KCNB2: variants seen among roughly 807,000 people sequenced by gnomAD.
The protein encoded by KCNB2 is potassium voltage-gated channel subfamily B member 2.
KCNB2 carries 15 observed loss-of-function variants against 61.5 expected under a neutral mutation model. The ratio of observed to expected loss-of-function variants is 0.24; its 90% CI spans 0.16 to 0.38. KCNB2 has a LOEUF of 0.38. Ranked by LOEUF, KCNB2 falls within the 10% of genes least tolerant of loss-of-function variation. The pLI is 1.00. For missense variants in KCNB2, 828 were observed against 1,125.2 expected, an observed-to-expected ratio of 0.74 and a Z score of 3.78; for synonymous variants, 457 against 446.0, an observed-to-expected ratio of 1.02 and a Z score of -0.31.
At chr8:72,546,428 A>G (rs775137706) in intron 1 of KCNB2, among the ~76,000 whole-genome samples, 8 of 151,918 alleles carry the variant, frequency 5.3e-5, no homozygotes, top group Non-Finnish European at 8.8e-5. Flanking sequence ...TGAGGCAGAG[A>G]ATTGCTTGAA....
intron 2 of KCNB2, among the ~76,000 whole-genome samples, chr8:72,709,620 C>G (rs1012385278): frequency 1.3e-5 from 2 of 151,980 alleles, no homozygotes; most frequent in Non-Finnish European, 2.9e-5. Flanking sequence ...CTTCAACTAA[C>G]TGAGTGAGAA....
chr8:72,744,697 C>T lies in KCNB2; in HGVS notation c.579+176384C>T, dbSNP rs1808027919. ...CTAAACTGTCCATGCTGAGAAGGAA[C>T]TGCCACGTGAATTGCTTAGGGCCGA... On this transcript the variant is annotated intron_variant, in intron 2 of 2. Transcript: ENST00000523207. 2.6e-5 allele frequency among the ~76,000 whole-genome samples: 4 copies of T among 152,110 alleles called. No homozygotes were observed. The South Asian group carries it at 8.3e-4, about 32-fold the overall frequency.
chr8:72,778,209 G>T (rs1808689084), intron 2 of KCNB2, among the ~76,000 whole-genome samples: 1 of 152,130 alleles, frequency 6.6e-6, no homozygotes, highest in Non-Finnish European at 1.5e-5. Context: ...CTGCAGCTTA[G>T]ATTTCTAATT....
At chr8:72,726,035 G>A (rs1807644411) in intron 2 of KCNB2, among the ~76,000 whole-genome samples, 2 of 152,130 alleles carry the variant, frequency 1.3e-5, no homozygotes, top group Admixed American at 1.3e-4. Flanking sequence ...CATCTACTGT[G>A]GAGTGAACTG....
chr8:72,898,181 C>A (rs1806022745), intron 2 of KCNB2, among the ~76,000 whole-genome samples: 1 of 151,906 alleles, frequency 6.6e-6, no homozygotes, highest in Non-Finnish European at 1.5e-5. Context: ...GAGGAGAATT[C>A]CTTTGGAAAC....
intron 2 of KCNB2, among the ~76,000 whole-genome samples, chr8:72,642,208 A>C (rs991703778): frequency 1.3e-5 from 2 of 152,184 alleles, no homozygotes; most frequent in African/African-American, 4.8e-5. Context: ...TTAGAAACTT[A>C]ATGTAAAAGG....
intron 2 of KCNB2, among the ~76,000 whole-genome samples, chr8:72,871,994 C>A (rs1436399382): frequency 2.6e-5 from 4 of 152,284 alleles, no homozygotes; most frequent in African/African-American, 9.6e-5. Context: ...ATGACCAAAT[C>A]TAGGAGTTTC....
At chr8:72,881,167 C>A (rs1805700940) in intron 2 of KCNB2, among the ~76,000 whole-genome samples, 1 of 7,140 alleles carries the variant, frequency 1.4e-4, no homozygotes. Flanking sequence ...CCCCCAGCCT[C>A]GTTGCCGCCT....
rs563213962 is a variant in KCNB2, at chr8:72,617,175, G to A, written c.579+48862G>A. ...CTCTTTCCTCCACTTTTCTTAGCTA[G>A]GAGGTATCCTTATGTCACCTTCTGC... On this transcript the variant is annotated intron_variant, in intron 2 of 2. Coordinates refer to ENST00000523207, the MANE Select transcript of KCNB2 (RefSeq NM_004770.3). 5.3e-5 allele frequency among the ~76,000 whole-genome samples: 8 copies of A among 152,266 alleles called. No homozygotes were observed. In the East Asian group the frequency reaches 1.5e-3, roughly 29 times the overall value.
At chr8:72,800,656 A>G (rs1016464628) in intron 2 of KCNB2, among the ~76,000 whole-genome samples, 1 of 151,894 alleles carries the variant, frequency 6.6e-6, no homozygotes, top group African/African-American at 2.4e-5. Context: ...TCAATAAATA[A>G]CTTTTGCCAA....
At chr8:72,845,203 A>T (rs12547090) in intron 2 of KCNB2, among the ~76,000 whole-genome samples, 2 of 152,110 alleles carry the variant, frequency 1.3e-5, no homozygotes, top group South Asian at 2.1e-4. Context: ...CCTCTGCTGC[A>T]GGTCTGCTGT....
intron 2 of KCNB2, among the ~76,000 whole-genome samples, chr8:72,574,561 TC>T (rs774305667): frequency 4.6e-5 from 7 of 152,228 alleles, no homozygotes; most frequent in Non-Finnish European, 8.8e-5. Context: ...CTTGGTTGCA[TC>T]TGAAGAGGGC....
At chr8:72,808,822 C>T (rs1809263278) in intron 2 of KCNB2, among the ~76,000 whole-genome samples, 1 of 152,154 alleles carries the variant, frequency 6.6e-6, no homozygotes, top group African/African-American at 2.4e-5. Flanking sequence ...CCTAAATCTG[C>T]ATCAAATCTT....
At chr8:72,673,012 A>T (rs1321226452) in intron 2 of KCNB2, among the ~76,000 whole-genome samples, 2 of 152,252 alleles carry the variant, frequency 1.3e-5, no homozygotes, top group African/African-American at 4.8e-5. Context: ...TAAACATAAC[A>T]TTACCATATG....
chr8:72,843,913 A>G (rs1309131939), intron 2 of KCNB2, among the ~76,000 whole-genome samples: 1 of 152,196 alleles, frequency 6.6e-6, no homozygotes, highest in Non-Finnish European at 1.5e-5. Flanking sequence ...GTGTCTTTTA[A>G]CTGGGGCATT....
At chr8:72,658,092 C>T (rs905945309) in intron 2 of KCNB2, among the ~76,000 whole-genome samples, 2 of 152,058 alleles carry the variant, frequency 1.3e-5, no homozygotes, top group East Asian at 1.9e-4. Context: ...CACTTTAAAT[C>T]AATCACAAAC....
At chr8:72,856,935 A>G (rs138590843) in intron 2 of KCNB2, among the ~76,000 whole-genome samples, 4 of 152,246 alleles carry the variant, frequency 2.6e-5, no homozygotes, top group African/African-American at 9.6e-5. Flanking sequence ...TTCCCCCACC[A>G]CAGAAACATA....
At chr8:72,868,450 C>T (rs998356057) in intron 2 of KCNB2, among the ~76,000 whole-genome samples, 1 of 151,756 alleles carries the variant, frequency 6.6e-6, no homozygotes, top group Non-Finnish European at 1.5e-5. Flanking sequence ...TGGTGGCACA[C>T]ACCTGTAGTC....
At chr8:72,809,729 T>TCAGTATAC (rs1809277095) in intron 2 of KCNB2, among the ~76,000 whole-genome samples, 1 of 152,188 alleles carries the variant, frequency 6.6e-6, no homozygotes, top group Non-Finnish European at 1.5e-5. Flanking sequence ...TCCAGTAGAT[T>TCAGTATAC]CAGTATACCA....
Sources: allele counts gnomAD v4.1 joint callset (sites outside exome capture counted in the v4.1 genomes callset), GRCh38; gene constraint gnomAD v4.1.1; transcripts MANE v1.5; gene names NCBI Gene and HGNC (gene_info 2026-07-23, HGNC 2026-07-21).